The following FAT3 variants were observed in gnomAD, a reference collection of about 807,000 sequenced individuals.
FAT3 encodes the protein protocadherin Fat 3.
In FAT3, 95 loss-of-function variants were observed where a neutral mutation model predicts 310.2. That is an observed-to-expected ratio of 0.31 (90% CI 0.26 to 0.36). FAT3 has a LOEUF of 0.36. Among genes scored for constraint, FAT3 ranks in the 10% least tolerant of loss-of-function variants. FAT3 has a pLI of 1.00. For synonymous variants in FAT3, 2,314 were observed against 2,192.9 expected (o/e 1.06, Z -1.54); for missense variants, 5,408 against 5,715.6 (o/e 0.95, Z 1.74).
chr11:92,262,737 A>C (rs371648145), intron 1 of FAT3, among the ~76,000 whole-genome samples: 18 of 152,170 alleles, frequency 1.2e-4, no homozygotes, highest in Non-Finnish European at 2.2e-4. Flanking sequence ...CCCACATGGG[A>C]CTGTGATAAG....
chr11:92,705,538 ATGGTGTGATGG>A (rs1944271913), intron 4 of FAT3, among the ~76,000 whole-genome samples: 10 of 18,284 alleles, frequency 5.5e-4, no homozygotes, highest in South Asian at 2.2e-3. Flanking sequence ...TGGTGGTGTG[ATGGTGTGATGG>A]TGGTGGTGTG....
chr11:92,853,841 G>T (rs1948898131), intron 19 of FAT3, among the ~76,000 whole-genome samples: 1 of 152,140 alleles, frequency 6.6e-6, no homozygotes, highest in South Asian at 2.1e-4. Context: ...GGCCATGGCA[G>T]ACCCAGAAAA....
intron 9 of FAT3, among the ~76,000 whole-genome samples, chr11:92,795,537 C>T (rs1591742912): frequency 6.6e-6 from 1 of 151,908 alleles, no homozygotes; most frequent in African/African-American, 2.4e-5. Flanking sequence ...GAAGGGCCCA[C>T]TTTGGACCTG....
chr11:92,270,229 C>T lies in FAT3; in HGVS notation c.-18+45055C>T, dbSNP rs566883763. ...TATTACCTTGCCCTGGTTTTCCTCC[C>T]ACTTCACTGGCCTTTCTTTCTCAGT... On this transcript the variant is annotated intron_variant, in intron 1 of 27. Coordinates refer to ENST00000525166, the MANE Select transcript of FAT3 (RefSeq NM_001367949.2). 9.9e-5 allele frequency among the ~76,000 whole-genome samples: 15 copies of T among 152,202 alleles called. No homozygotes were observed. In the South Asian group the frequency reaches 3.1e-3, roughly 32 times the overall value.
intron 1 of FAT3, among the ~76,000 whole-genome samples, chr11:92,305,048 A>G (rs1482719999): frequency 2.0e-5 from 3 of 152,136 alleles, no homozygotes; most frequent in Non-Finnish European, 2.9e-5. Context: ...AAGTTCTCTC[A>G]TTATAAGCCA....
At position 92,355,223 on chromosome 11, in the gene FAT3, C is replaced by G; in HGVS notation, c.3111C>G (p.Asn1037Lys). The G allele has an allele frequency of 6.2e-7, 1 of 1,613,746 alleles. No homozygotes were observed. The highest frequency in any genetic ancestry group is 2.2e-5 in the East Asian group (1 of 44,866). ...VEVEVVDVNE[N>K]LHTPYFPDFA... ...TGGAAGTGGTGGATGTCAATGAAAA[C>G]CTCCACACTCCCTATTTCCCAGACT... The change falls in exon 2 of 28, where the codon AAC becomes AAG. Residue 1037 changes from asparagine to lysine, a missense_variant. Transcript: ENST00000525166.
chr11:92,500,983 G>A (rs1952921716), intron 2 of FAT3, among the ~76,000 whole-genome samples: 1 of 151,944 alleles, frequency 6.6e-6, no homozygotes, highest in East Asian at 1.9e-4. Flanking sequence ...AATTTATCAG[G>A]TTACAATGAG....
chr11:92,409,216 C>A (rs1321309379), intron 2 of FAT3, among the ~76,000 whole-genome samples: 2 of 151,764 alleles, frequency 1.3e-5, no homozygotes, highest in African/African-American at 4.8e-5. Flanking sequence ...TATTTGCTTT[C>A]TTTGTTAACC....
At chr11:92,774,518 C>T (rs1946546418) in intron 7 of FAT3, among the ~76,000 whole-genome samples, 1 of 152,184 alleles carries the variant, frequency 6.6e-6, no homozygotes, top group African/African-American at 2.4e-5. Context: ...AGTTAACACA[C>T]CATGTTATTC....
At chr11:92,609,209 CTT>C (rs1413917573) in intron 3 of FAT3, among the ~76,000 whole-genome samples, 2 of 152,166 alleles carry the variant, frequency 1.3e-5, no homozygotes, top group Non-Finnish European at 1.5e-5. Flanking sequence ...AACTTGGACA[CTT>C]TTGCTCCATT....
At chr11:92,328,738 G>C (rs1947829961) in intron 1 of FAT3, among the ~76,000 whole-genome samples, 1 of 152,196 alleles carries the variant, frequency 6.6e-6, no homozygotes, top group African/African-American at 2.4e-5. Flanking sequence ...TGTGCCCTCA[G>C]GTTTGCAGCC....
chr11:92,751,580 C>G (rs748953679), intron 4 of FAT3, among the ~76,000 whole-genome samples: 1 of 152,180 alleles, frequency 6.6e-6, no homozygotes, highest in Non-Finnish European at 1.5e-5. Context: ...AAAGAAGTTG[C>G]AGCCATACCC....
At chr11:92,803,305 A>G (rs1947416536) in intron 10 of FAT3, among the ~76,000 whole-genome samples, 1 of 152,214 alleles carries the variant, frequency 6.6e-6, no homozygotes, top group African/African-American at 2.4e-5. Flanking sequence ...TACTGTTACT[A>G]TTAGCAGTGC....
intron 1 of FAT3, among the ~76,000 whole-genome samples, chr11:92,322,221 T>C (rs1025982288): frequency 6.6e-6 from 1 of 152,182 alleles, no homozygotes; most frequent in Non-Finnish European, 1.5e-5. Flanking sequence ...TCCCAGTGCA[T>C]ATGAAAGTAA....
intron 3 of FAT3, among the ~76,000 whole-genome samples, chr11:92,639,166 A>G (rs1217161295): frequency 6.6e-6 from 1 of 152,172 alleles, no homozygotes; most frequent in Non-Finnish European, 1.5e-5. Flanking sequence ...AGCCCTTTCC[A>G]TCTGAATCAG....
At chr11:92,847,418 A>G (rs1948715706) in intron 19 of FAT3, among the ~76,000 whole-genome samples, 1 of 152,164 alleles carries the variant, frequency 6.6e-6, no homozygotes, top group Admixed American at 6.5e-5. Context: ...AGCGCACTCT[A>G]TGATGTTTGC....
chr11:92,532,851 A>C (rs568168469), intron 3 of FAT3, among the ~76,000 whole-genome samples: 66 of 152,314 alleles, frequency 4.3e-4, no homozygotes, highest in South Asian at 4.1e-4. Context: ...AATCCACATT[A>C]GATGAATCCT....
intron 2 of FAT3, among the ~76,000 whole-genome samples, chr11:92,480,499 A>C (rs796069315): frequency 2.0e-5 from 3 of 152,118 alleles, no homozygotes; most frequent in Admixed American, 6.5e-5. Context: ...CTGGAATGCA[A>C]CTCATAGGGT....
chr11:92,808,578 C>T (rs1947574470), intron 12 of FAT3, among the ~76,000 whole-genome samples: 1 of 152,176 alleles, frequency 6.6e-6, no homozygotes, highest in Non-Finnish European at 1.5e-5. Flanking sequence ...CAACCTGTAT[C>T]TGAGAACTGG....
Sources: gnomAD v4.1 joint callset for allele counts (sites outside exome capture counted in the v4.1 genomes callset) on GRCh38, gnomAD v4.1.1 for gene constraint, MANE v1.5 for transcripts, NCBI Gene and HGNC (gene_info 2026-07-23, HGNC 2026-07-21) for gene names.